The following USP13 variants were observed in gnomAD, a reference collection of about 807,000 sequenced individuals.
USP13 encodes the protein ubiquitin specific peptidase 13, also known as ubiquitin carboxyl-terminal hydrolase 13.
A neutral mutation model predicts 107.8 loss-of-function variants in USP13; 68 were observed. The ratio of observed to expected loss-of-function variants is 0.63; its 90% CI spans 0.52 to 0.77. The LOEUF is 0.77. Among genes scored for constraint, USP13 ranks in the 30% least tolerant of loss-of-function variants. The pLI is 0.00. For synonymous variants in USP13, 377 were observed against 389.5 expected (o/e 0.97, Z 0.38); for missense variants, 945 against 1,093.3 (o/e 0.86, Z 1.91).
intron 10 of USP13, among the ~76,000 whole-genome samples, chr3:179,732,461 C>T (rs574715912): frequency 6.6e-6 from 1 of 152,214 alleles, no homozygotes; most frequent in African/African-American, 2.4e-5. Flanking sequence ...GACTCAGGAG[C>T]CTGGCTTTCC....
intron 8 of USP13, among the ~76,000 whole-genome samples, chr3:179,728,470 C>G (rs1313586816): frequency 3.3e-5 from 5 of 150,118 alleles, no homozygotes; most frequent in South Asian, 2.1e-4. Flanking sequence ...GGATGGCGGC[C>G]GGGCAGAGAC....
At chr3:179,749,267 C>T (rs1159040968) in intron 13 of USP13, among the ~76,000 whole-genome samples, 1 of 152,122 alleles carries the variant, frequency 6.6e-6, no homozygotes, top group Non-Finnish European at 1.5e-5. Context: ...TTAACAACAA[C>T]ACAGTATTGT....
Position 179,765,691 on chromosome 3 carries a change from T to C in USP13, c.2260-4T>C, listed in dbSNP as rs1164749143. The C allele has an allele frequency of 6.2e-7, 1 of 1,613,760 alleles. No homozygotes were observed. Among genetic ancestry groups the C allele is most frequent in the South Asian group, 1.1e-5 (1 of 91,028 alleles). ...AAAAACATCTGTTTCTTTTTTGTTG[T>C]TAGAATAATAACCTGGAAAGAGCAC... On this transcript the variant is annotated splice_region_variant and splice_polypyrimidine_tract_variant and intron_variant, in intron 18 of 20. Transcript: ENST00000263966.
chr3:179,731,583 C>A (rs951261015), intron 10 of USP13, among the ~76,000 whole-genome samples: 1 of 152,204 alleles, frequency 6.6e-6, no homozygotes, highest in Non-Finnish European at 1.5e-5. Flanking sequence ...AATAGAACCA[C>A]TGAAAGATAG....
chr3:179,673,176 G>A, intron 1 of USP13, among the ~76,000 whole-genome samples: 1 of 152,170 alleles, frequency 6.6e-6, no homozygotes, highest in East Asian at 1.9e-4. Flanking sequence ...TTTATTTTGA[G>A]AATTCCCATT....
intron 4 of USP13, among the ~76,000 whole-genome samples, chr3:179,702,862 A>G (rs2108476539): frequency 6.6e-6 from 1 of 152,332 alleles, no homozygotes; most frequent in Non-Finnish European, 1.5e-5. Context: ...TAATACTGAG[A>G]GTTCTTACTG....
rs369493333 is a variant in USP13, at chr3:179,708,939, A to G, written c.787A>G (p.Ile263Val). The change falls in exon 6 of 21, where the codon ATC becomes GTC. Residue 263 changes from isoleucine (I) to valine (V), a missense_variant. By Grantham distance (29) the Ile-to-Val change is conservative (BLOSUM62 3). Coordinates refer to ENST00000263966, the MANE Select transcript of USP13 (RefSeq NM_003940.3). ...GYPLAVKLGT[I>V]TPDGADVYSF... ...CCCACTAGCCGTGAAACTGGGAACC[A>G]TCACTCCTGACGGGGCAGGTGAGTG... The G allele has an allele frequency of 3.8e-5, 62 of 1,614,044 alleles. No individual in the cohort carries two copies. The highest frequency in any genetic ancestry group is 8.0e-5 in the African/African-American group (6 of 74,932).
intron 15 of USP13, among the ~76,000 whole-genome samples, chr3:179,755,876 G>C (rs1371163630): frequency 1.3e-5 from 2 of 152,224 alleles, no homozygotes; most frequent in Non-Finnish European, 2.9e-5. Context: ...GGTAAGATGA[G>C]TCTAGAAGGA....
At chr3:179,767,711 A>C (rs534366304) in intron 19 of USP13, among the ~76,000 whole-genome samples, 7 of 152,244 alleles carry the variant, frequency 4.6e-5, no homozygotes, top group African/African-American at 1.7e-4. Context: ...GCTTTTATAA[A>C]ACTCATGGTG....
chr3:179,697,159 G>T (rs1712355303), intron 3 of USP13, among the ~76,000 whole-genome samples: 1 of 152,124 alleles, frequency 6.6e-6, no homozygotes, highest in South Asian at 2.1e-4. Flanking sequence ...GTTTAAACTT[G>T]TTAAGGAATA....
At chr3:179,737,983 T>G (rs1714053157) in intron 10 of USP13, among the ~76,000 whole-genome samples, 1 of 152,164 alleles carries the variant, frequency 6.6e-6, no homozygotes, top group African/African-American at 2.4e-5. Context: ...TGGAGGGATG[T>G]TATATATGGA....
At chr3:179,745,491 A>AGCCT (rs1227827622) in intron 13 of USP13, among the ~76,000 whole-genome samples, 2 of 140,446 alleles carry the variant, frequency 1.4e-5, no homozygotes, top group African/African-American at 5.7e-5. Context: ...CTCTATTAGG[A>AGCCT]GCCTTCCTTC....
intron 4 of USP13, among the ~76,000 whole-genome samples, chr3:179,706,197 C>T (rs1456994580): frequency 2.0e-5 from 3 of 152,146 alleles, no homozygotes; most frequent in Non-Finnish European, 4.4e-5. Context: ...AGTGGCTGTA[C>T]CAGTTTACTT....
intron 1 of USP13, among the ~76,000 whole-genome samples, chr3:179,673,803 C>T (rs1020098976): frequency 4.6e-5 from 7 of 152,206 alleles, no homozygotes; most frequent in African/African-American, 1.4e-4. Flanking sequence ...GCCGAGTTCA[C>T]CTAGCCCTAG....
At chr3:179,706,308 T>C (rs977295456) in intron 4 of USP13, among the ~76,000 whole-genome samples, 1 of 152,156 alleles carries the variant, frequency 6.6e-6, no homozygotes, top group Admixed American at 6.5e-5. Flanking sequence ...ATCAATTGGG[T>C]AGGGAGAGGG....
chr3:179,660,009 C>T lies in USP13; in HGVS notation c.168+6616C>T, dbSNP rs191633166. Among the ~76,000 whole-genome samples, 24 of 152,352 alleles carry T rather than the reference C, an allele frequency of 1.6e-4. No homozygotes were observed. In the East Asian group the frequency reaches 2.5e-3, roughly 16 times the overall value. Reference sequence around the variant, plus strand: ...AGTGAGCCAAGATCCCGCTATTCCACTCCAGCCTGGGCGACAGAGCGAGAC... The same window carrying T: ...AGTGAGCCAAGATCCCGCTATTCCATTCCAGCCTGGGCGACAGAGCGAGAC... On this transcript the variant is annotated intron_variant, in intron 1 of 20. Coordinates refer to ENST00000263966, the MANE Select transcript of USP13 (RefSeq NM_003940.3).
intron 16 of USP13, among the ~76,000 whole-genome samples, chr3:179,758,644 G>A (rs1714892489): frequency 2.0e-5 from 3 of 151,378 alleles, no homozygotes; most frequent in Admixed American, 6.6e-5. Context: ...GACTACAGGC[G>A]CCTGCCACCA....
chr3:179,699,894 T>A (rs1712457877), intron 3 of USP13, among the ~76,000 whole-genome samples: 1 of 151,954 alleles, frequency 6.6e-6, no homozygotes, highest in Non-Finnish European at 1.5e-5. Context: ...AGAATCTAGA[T>A]CCTTTGGTTC....
intron 8 of USP13, among the ~76,000 whole-genome samples, chr3:179,729,971 AACTT>A (rs1713739201): frequency 6.6e-6 from 1 of 152,374 alleles, no homozygotes; most frequent in East Asian, 1.9e-4. Context: ...GGGTGAATCT[AACTT>A]ACAACGAGGG....
Sources: allele counts gnomAD v4.1 joint callset (sites outside exome capture counted in the v4.1 genomes callset), GRCh38; gene constraint gnomAD v4.1.1; transcripts MANE v1.5; gene names NCBI Gene and HGNC (gene_info 2026-07-23, HGNC 2026-07-21).